SLCO5A1: variants seen among roughly 807,000 people sequenced by gnomAD.
SLCO5A1 encodes organic anion transporter polypeptide-related protein 4.
A neutral mutation model predicts 65.1 loss-of-function variants in SLCO5A1; 39 were observed. That is an observed-to-expected ratio of 0.60 (90% confidence interval 0.46 to 0.78). The LOEUF (loss-of-function observed/expected upper bound fraction) is 0.78, where lower values mean the gene tolerates loss of function less well. Ranked by LOEUF, SLCO5A1 falls within the 30% of genes least tolerant of loss-of-function variation. The pLI is 0.00. For missense variants in SLCO5A1, 1,029 were observed against 1,069.4 expected, an observed-to-expected ratio of 0.96 and a Z score of 0.53; for synonymous variants, 438 against 415.7, an observed-to-expected ratio of 1.05 and a Z score of -0.65.
At chr8:69,767,223 C>G (rs376729942) in intron 2 of SLCO5A1, among the ~76,000 whole-genome samples, 8 of 152,114 alleles carry the variant, frequency 5.3e-5, no homozygotes, top group African/African-American at 1.4e-4. Flanking sequence ...ATGGAGTGCC[C>G]ACTCCCCTCT....
At chr8:69,829,649 G>T (rs138500494) in intron 2 of SLCO5A1, among the ~76,000 whole-genome samples, 2,480 of 151,638 alleles carry the variant, frequency 0.016, 73 homozygotes, top group African/African-American at 0.058. Context: ...CTGCACTCCA[G>T]CCTGGGTGAA....
At chr8:69,756,065 A>G (rs1039750856) in intron 3 of SLCO5A1, among the ~76,000 whole-genome samples, 1 of 152,218 alleles carries the variant, frequency 6.6e-6, no homozygotes, top group African/African-American at 2.4e-5. Flanking sequence ...AAGCATTAAT[A>G]TCCCATGTGA....
intron 4 of SLCO5A1, among the ~76,000 whole-genome samples, chr8:69,741,911 G>A (rs192403633): frequency 6.6e-4 from 101 of 152,308 alleles, no homozygotes; most frequent in African/African-American, 2.3e-3. Flanking sequence ...AAAACTAAAC[G>A]CATGTGATCC....
At chr8:69,765,972 T>C (rs1563710998) in intron 2 of SLCO5A1, among the ~76,000 whole-genome samples, 1 of 152,198 alleles carries the variant, frequency 6.6e-6, no homozygotes, top group Admixed American at 6.5e-5. Context: ...CATGCATCTC[T>C]AGAAGTAAAA....
chr8:69,707,951 C>T (rs1207651808), intron 5 of SLCO5A1, among the ~76,000 whole-genome samples: 4 of 152,128 alleles, frequency 2.6e-5, no homozygotes, highest in Admixed American at 2.6e-4. Flanking sequence ...TGTCTGTGGG[C>T]TGCAAGATCA....
At chr8:69,677,896 C>A (rs10106918) in intron 8 of SLCO5A1, among the ~76,000 whole-genome samples, 5,385 of 152,172 alleles carry the variant, frequency 0.035, 114 homozygotes, top group South Asian at 0.11. Flanking sequence ...TCCTTCCCTG[C>A]ACTGCACCCC....
At chr8:69,739,180 A>T (rs933326308) in intron 4 of SLCO5A1, among the ~76,000 whole-genome samples, 3 of 152,222 alleles carry the variant, frequency 2.0e-5, no homozygotes, top group African/African-American at 7.2e-5. Flanking sequence ...TTAATTAAAA[A>T]TCAAACAAAC....
At chr8:69,692,077 T>C (rs2130799018) in intron 6 of SLCO5A1, among the ~76,000 whole-genome samples, 1 of 152,286 alleles carries the variant, frequency 6.6e-6, no homozygotes, top group South Asian at 2.1e-4. Flanking sequence ...TGAAACCCTG[T>C]CTCTGCTAAA....
At chr8:69,790,338 T>C (rs1276360503) in intron 2 of SLCO5A1, among the ~76,000 whole-genome samples, 3 of 151,962 alleles carry the variant, frequency 2.0e-5, no homozygotes, top group Non-Finnish European at 1.5e-5. Flanking sequence ...CCCATAAATA[T>C]ATACACCTAC....
At chr8:69,819,505 T>C (rs1820547581) in intron 2 of SLCO5A1, among the ~76,000 whole-genome samples, 1 of 152,200 alleles carries the variant, frequency 6.6e-6, no homozygotes. Flanking sequence ...AAAAGTGATA[T>C]TTTGGCCTCC....
chr8:69,750,306 A>G (rs753460002), intron 4 of SLCO5A1, among the ~76,000 whole-genome samples: 2 of 152,062 alleles, frequency 1.3e-5, no homozygotes, highest in Non-Finnish European at 2.9e-5. Context: ...CTTCTCTACT[A>G]GTCGAAACCT....
intron 2 of SLCO5A1, chr8:69,794,607 C>G: frequency 3.1e-6 from 1 of 325,052 alleles, no homozygotes; most frequent in South Asian, 2.8e-5. Flanking sequence ...AAATTGTATA[C>G]AGTTTTTGCT....
chr8:69,821,866 C>T (rs1318215667), intron 2 of SLCO5A1, among the ~76,000 whole-genome samples: 4 of 151,096 alleles, frequency 2.6e-5, no homozygotes, highest in Non-Finnish European at 4.4e-5. Context: ...GTATCTCATG[C>T]CTATAATCCC....
At chr8:69,676,561 A>T (rs77542143) in intron 9 of SLCO5A1, 48 bp downstream of exon 9, 1 of 1,539,704 alleles carries the variant, frequency 6.5e-7, no homozygotes, top group Non-Finnish European at 8.9e-7. Flanking sequence ...AAAATTTGCC[A>T]TCTGCAAAGA....
intron 5 of SLCO5A1, among the ~76,000 whole-genome samples, chr8:69,734,155 T>TGA (rs754012877): frequency 5.9e-5 from 9 of 152,142 alleles, no homozygotes; most frequent in African/African-American, 1.4e-4. Context: ...GATTACAGCA[T>TGA]GAGAGAAGTG....
At chr8:69,821,426 GGAA>G (rs1820635376) in intron 2 of SLCO5A1, among the ~76,000 whole-genome samples, 4 of 150,622 alleles carry the variant, frequency 2.7e-5, no homozygotes, top group South Asian at 2.1e-4. Flanking sequence ...AAGAAGAAGA[GGAA>G]GAAGGAGGAG....
At chr8:69,706,385 A>G (rs372128016) in intron 5 of SLCO5A1, among the ~76,000 whole-genome samples, 3 of 152,206 alleles carry the variant, frequency 2.0e-5, no homozygotes, top group African/African-American at 7.2e-5. Context: ...ACTTCATGCC[A>G]TGACCTGGGT....
chr8:69,794,151 G>C (rs1196039533), intron 2 of SLCO5A1: 2 of 254,654 alleles, frequency 7.9e-6, no homozygotes, highest in African/African-American at 2.3e-5. Context: ...GTGGCAGGGA[G>C]ATGTATGCAT....
intron 6 of SLCO5A1, among the ~76,000 whole-genome samples, chr8:69,688,363 T>G (rs911707429): frequency 6.6e-6 from 1 of 152,134 alleles, no homozygotes; most frequent in Non-Finnish European, 1.5e-5. Context: ...TACTTTAAGT[T>G]TTAGGGTACA....
Sources: gnomAD v4.1 joint callset for allele counts (sites outside exome capture counted in the v4.1 genomes callset) on GRCh38, gnomAD v4.1.1 for gene constraint, MANE v1.5 for transcripts, NCBI Gene and HGNC (gene_info 2026-07-23, HGNC 2026-07-21) for gene names.